EMC3: variants seen among roughly 807,000 people sequenced by gnomAD.
The protein encoded by EMC3 is ER membrane protein complex subunit 3, also known as 30 kDa protein.
A neutral mutation model predicts 36.6 loss-of-function variants in EMC3; 13 were observed. The observed-to-expected ratio is 0.35, with a 90% CI of 0.23 to 0.56. EMC3 has a LOEUF of 0.56. Among genes scored for constraint, EMC3 ranks in the 20% least tolerant of loss-of-function variants. The pLI is 0.84. For synonymous variants in EMC3, 120 were observed against 111.9 expected, an observed-to-expected ratio of 1.07 and a Z score of -0.46; for missense variants, 220 against 324.5, an observed-to-expected ratio of 0.68 and a Z score of 2.47.
At chr3:10,009,051 T>G (rs2124944620) in intron 1 of EMC3, 1 of 152,700 alleles carries the variant, frequency 6.5e-6, no homozygotes, top group African/African-American at 2.4e-5. Context: ...TGTCCAATCT[T>G]GGGGATCCTG....
At chr3:10,005,110 C>G (rs1412431042) in intron 1 of EMC3, 2 of 152,212 alleles carry the variant, frequency 1.3e-5, no homozygotes, top group African/African-American at 4.8e-5. Flanking sequence ...TCATTCAGCT[C>G]TTCCAGGTGG....
At chr3:10,004,852 T>C (rs1053190837) in intron 1 of EMC3, 1 of 152,166 alleles carries the variant, frequency 6.6e-6, no homozygotes, top group Non-Finnish European at 1.5e-5. Context: ...GAGCCTGGGG[T>C]ATTGTCACCG....
chr3:10,002,761 C>A (rs769455652), intron 1 of EMC3: 1 of 451,712 alleles, frequency 2.2e-6, no homozygotes, highest in Non-Finnish European at 4.5e-6. Flanking sequence ...CTGGATACAC[C>A]CAGAAATGTC....
intron 1 of EMC3, chr3:10,003,052 C>T (rs1235510619): frequency 2.2e-6 from 1 of 456,454 alleles, no homozygotes; most frequent in Admixed American, 2.4e-5. Flanking sequence ...ACAAGCCGCC[C>T]AGCATGACCC....
intron 1 of EMC3, among the ~76,000 whole-genome samples, chr3:9,997,179 A>G (rs2086136157): frequency 1.3e-5 from 2 of 151,746 alleles, no homozygotes; most frequent in South Asian, 2.1e-4. Context: ...TCATAACAAT[A>G]TGTATCCTTG....
At chr3:9,975,145 G>A (rs575333255) in intron 3 of EMC3, among the ~76,000 whole-genome samples, 123 of 152,228 alleles carry the variant, frequency 8.1e-4, no homozygotes, top group African/African-American at 2.7e-3. Context: ...GATTACAGGC[G>A]TCAGCCACCG....
At chr3:9,968,114 G>A (rs1477106270) in intron 7 of EMC3, among the ~76,000 whole-genome samples, 3 of 152,184 alleles carry the variant, frequency 2.0e-5, no homozygotes, top group South Asian at 2.1e-4. Context: ...TAGAGATGGC[G>A]TTTCGCCACG....
chr3:9,966,829 C>T (rs1343222365), intron 7 of EMC3, among the ~76,000 whole-genome samples: 2 of 152,184 alleles, frequency 1.3e-5, no homozygotes, highest in Non-Finnish European at 2.9e-5. Context: ...CCTGTCTCAG[C>T]CTCCCAAAGT....
upstream of EMC3, chr3:9,986,853 GT>G (rs1004848561): frequency 7.2e-6 from 10 of 1,379,386 alleles, no homozygotes; most frequent in African/African-American, 5.8e-5. Flanking sequence ...CGGCGCGAAC[GT>G]TGACGTCACG....
chr3:9,990,466 C>T (rs2086035847), upstream of EMC3, among the ~76,000 whole-genome samples: 1 of 151,186 alleles, frequency 6.6e-6, no homozygotes, highest in African/African-American at 2.4e-5. Flanking sequence ...TTTGGAGTAG[C>T]TGGGACTACA....
At chr3:9,978,203 C>CA (rs1002087219) in intron 1 of EMC3, 1 of 134,022 alleles carries the variant, frequency 7.5e-6, no homozygotes, top group Non-Finnish European at 1.5e-5. Context: ...AGGCTGGTGG[C>CA]ACGTGCCTGT....
chr3:9,975,509 A>C (rs1032616821), intron 3 of EMC3, among the ~76,000 whole-genome samples: 3 of 150,432 alleles, frequency 2.0e-5, no homozygotes, highest in Non-Finnish European at 4.5e-5. Flanking sequence ...ACTGGGCTAA[A>C]AAAAAAAAAA....
intron 1 of EMC3, among the ~76,000 whole-genome samples, chr3:9,977,974 T>C (rs1395256618): frequency 1.3e-5 from 2 of 151,706 alleles, no homozygotes; most frequent in Non-Finnish European, 2.9e-5. Context: ...ATGAAATTAC[T>C]AGGTGATCTT....
rs141477509 is a variant in EMC3, at chr3:9,986,605, G to C, written c.57C>G (p.Pro19=). 5.0e-4 allele frequency: 815 copies of C among 1,614,206 alleles called. 9 individuals carry two copies. The East Asian group carries it at 0.016, about 32-fold the overall frequency. Residue 19 remains proline, a synonymous_variant, in exon 1 of 8, where the codon CCC becomes CCG. Coordinates refer to ENST00000245046, the MANE Select transcript of EMC3 (RefSeq NM_001394674.1). ...CTACGAAGAAAGTGATGATAACGAT[G>C]GGTAGGACCACCCAGAGGCGGATGT... ...DSNIRLWVVL[P]IVIITFFVGM...
At chr3:10,002,991 C>T (rs771937136) in intron 1 of EMC3, 8 of 455,958 alleles carry the variant, frequency 1.8e-5, no homozygotes, top group Non-Finnish European at 3.1e-5. Context: ...CCTTCTTCTC[C>T]ACCCAGAGCA....
chr3:9,996,837 G>A (rs1055150364), intron 1 of EMC3, among the ~76,000 whole-genome samples: 13 of 151,952 alleles, frequency 8.6e-5, no homozygotes, highest in Non-Finnish European at 1.5e-4. Context: ...TTCCCCTCTT[G>A]TTCTATATCA....
At chr3:9,994,163 C>G in intron 1 of EMC3, 2 of 1,585,790 alleles carry the variant, frequency 1.3e-6, no homozygotes, top group Non-Finnish European at 1.7e-6. Context: ...AGCTTCTTTT[C>G]TCTCTCTACT....
At chr3:10,001,300 G>A (rs1449503114) in intron 1 of EMC3, among the ~76,000 whole-genome samples, 4 of 151,372 alleles carry the variant, frequency 2.6e-5, no homozygotes, top group African/African-American at 4.9e-5. Context: ...GGTGGCTCAC[G>A]CCTGTATTCC....
chr3:9,988,856 C>T (rs992696473), upstream of EMC3: 3 of 752,208 alleles, frequency 4.0e-6, no homozygotes, highest in Non-Finnish European at 6.8e-6. Context: ...TCACTCTTCT[C>T]TCTCTTCCCT....
Sources: gnomAD v4.1 joint callset for allele counts (sites outside exome capture counted in the v4.1 genomes callset) on GRCh38, gnomAD v4.1.1 for gene constraint, MANE v1.5 for transcripts, NCBI Gene and HGNC (gene_info 2026-07-23, HGNC 2026-07-21) for gene names.